Variants in ZNF831 observed in about 807,000 individuals in gnomAD.
ZNF831 encodes zinc finger protein 831.
ZNF831 carries 59 observed loss-of-function variants against 95.8 expected under a neutral mutation model. The ratio of observed to expected loss-of-function variants is 0.62; its 90% CI spans 0.50 to 0.77. ZNF831 has a LOEUF of 0.77. Among genes scored for constraint, ZNF831 ranks in the 30% least tolerant of loss-of-function variants. The probability of loss-of-function intolerance (pLI) is 0.00; values close to 1 mark genes in which losing one functional copy is unlikely to be tolerated. For synonymous variants in ZNF831, 961 were observed against 925.5 expected (o/e 1.04, Z -0.70); for missense variants, 2,205 against 2,164.0 (o/e 1.02, Z -0.38).
rs576013498 is a variant in ZNF831, at chr20:59,203,620, C to T, written c.3876-3285C>T. ...AAATCAAGCAGACCCCTGCATTAAT[C>T]CACTTTTGCCCACTTACATGTTAAA... On this transcript the variant is annotated intron_variant, in intron 3 of 5. Coordinates refer to ENST00000371030, the MANE Select transcript of ZNF831 (RefSeq NM_178457.3). Among the ~76,000 whole-genome samples, 22 of 152,364 alleles carry T rather than the reference C, an allele frequency of 1.4e-4. No individual in the cohort carries two copies. The East Asian group carries it at 4.0e-3, about 28-fold the overall frequency.
At chr20:59,224,271 G>C (rs1402413955) in intron 4 of ZNF831, among the ~76,000 whole-genome samples, 2 of 152,160 alleles carry the variant, frequency 1.3e-5, no homozygotes, top group Non-Finnish European at 2.9e-5. Context: ...CGCCGCCTGG[G>C]TGCTTTGAGG....
intron 1 of ZNF831, among the ~76,000 whole-genome samples, chr20:59,134,963 A>G (rs960609545): frequency 2.0e-5 from 3 of 152,118 alleles, no homozygotes; most frequent in Admixed American, 6.5e-5. Context: ...TTCCCCTCCA[A>G]GATGGAAAAA....
At chr20:59,229,776 G>T (rs1259946429) in intron 4 of ZNF831, among the ~76,000 whole-genome samples, 2 of 152,116 alleles carry the variant, frequency 1.3e-5, no homozygotes, top group Non-Finnish European at 2.9e-5. Context: ...CAGCAGCAGG[G>T]TGAGGCACCA....
chr20:59,185,455 C>T (rs1421862062), intron 1 of ZNF831, among the ~76,000 whole-genome samples: 2 of 152,298 alleles, frequency 1.3e-5, no homozygotes, highest in East Asian at 3.9e-4. Flanking sequence ...TCCTTTTCCT[C>T]CTCCCCCTAC....
At chr20:59,240,756 G>A (rs568961941) in intron 4 of ZNF831, among the ~76,000 whole-genome samples, 3 of 151,940 alleles carry the variant, frequency 2.0e-5, no homozygotes, top group African/African-American at 7.3e-5. Context: ...GAGCCAAGAT[G>A]GCGCCACTGC....
At chr20:59,253,865 C>A in intron 5 of ZNF831, 33 bp from the exon 6 acceptor site, 2 of 1,131,752 alleles carry the variant, frequency 1.8e-6, no homozygotes, top group Non-Finnish European at 2.4e-6. Context: ...AACCTCCCCC[C>A]CCACTTTTTT....
chr20:59,159,953 T>G (rs1980759916), upstream of ZNF831: 1 of 152,424 alleles, frequency 6.6e-6, no homozygotes. Context: ...CGCAGTTCTC[T>G]GTCATTCAGC....
At chr20:59,177,649 A>C (rs1320007252) in intron 1 of ZNF831, among the ~76,000 whole-genome samples, 1 of 152,134 alleles carries the variant, frequency 6.6e-6, no homozygotes, top group African/African-American at 2.4e-5. Flanking sequence ...GGCCCATCTC[A>C]TTTAAAATTG....
rs142347840 is a variant in ZNF831, at chr20:59,196,677, T to G, written c.3875+672T>G. 3.7e-3 allele frequency among the ~76,000 whole-genome samples: 569 copies of G among 152,302 alleles called. 7 individuals carry two copies. Among genetic ancestry groups the G allele is most frequent in the African/African-American group, 0.013 (542 of 41,570 alleles). Reference sequence around the variant, plus strand: ...CTCCTCTCCTGCTCGCCCTCCACCCTCATCCCATTCTCTAATCCACATTCT... The same window carrying G: ...CTCCTCTCCTGCTCGCCCTCCACCCGCATCCCATTCTCTAATCCACATTCT... On this transcript the variant is annotated intron_variant, in intron 3 of 5. Coordinates refer to ENST00000371030, the MANE Select transcript of ZNF831 (RefSeq NM_178457.3).
In ZNF831 at chr20:59,131,113, A is replaced by G. The variant is rs138083280; in HGVS notation, c.-1425+7608A>G. On this transcript the variant is annotated intron_variant, in intron 1 of 7. Coordinates refer to the ZNF831 transcript ENST00000637017. ...TGTGGGCAAGGTTGAAGGAAATGCT[A>G]GACTCCCAGCATTAACCTTCCAGCA... 2.7e-3 allele frequency among the ~76,000 whole-genome samples: 415 copies of G among 152,284 alleles called. 3 individuals are homozygous for G. Among genetic ancestry groups the G allele is most frequent in the African/African-American group, 9.3e-3 (388 of 41,554 alleles).
At chr20:59,179,032 T>A (rs1485452537) in intron 1 of ZNF831, among the ~76,000 whole-genome samples, 1 of 151,918 alleles carries the variant, frequency 6.6e-6, no homozygotes, top group Non-Finnish European at 1.5e-5. Context: ...GGGCGGGGGG[T>A]CCACCCTGGA....
chr20:59,236,342 GA>G (rs1986997276), intron 4 of ZNF831, among the ~76,000 whole-genome samples: 2 of 152,180 alleles, frequency 1.3e-5, no homozygotes, highest in Non-Finnish European at 2.9e-5. Flanking sequence ...GAGGACAAAT[GA>G]ATATAGAAGG....
Position 59,195,882 on chromosome 20 carries a change from CA to C in ZNF831, c.3753del (p.Val1252SerfsTer4). 2 of 1,613,148 alleles carry C rather than the reference CA, an allele frequency of 1.2e-6. No homozygotes were observed. The highest frequency in any genetic ancestry group is 1.7e-6 in the Non-Finnish European group (2 of 1,179,694). On this transcript the variant is annotated frameshift_variant, in exon 3 of 6. Transcript: ENST00000371030. LOFTEE classifies it high-confidence loss of function. The stretch of plus-strand genomic sequence containing the variant: ...TGGTGTTTTCAGTTCTCCTACCCAA[CA>C]GTCCCAGGGGTGATGCCCCAGCACC... The part of the protein sequence containing the change: ...PAQMSKFSYP[T>X]VPGVMPQHQV...
intron 1 of ZNF831, among the ~76,000 whole-genome samples, chr20:59,125,651 G>C (rs1979149754): frequency 1.3e-5 from 2 of 152,212 alleles, no homozygotes; most frequent in African/African-American, 4.8e-5. Flanking sequence ...TGAAATCTCA[G>C]CTGTGTCAAG....
rs1983784063 is a variant in ZNF831 at position 59,193,379 on chromosome 20, G to A, written c.2360G>A (p.Gly787Glu). The change falls in exon 2 of 6, where the codon GGA becomes GAA. Residue 787 changes from glycine to glutamate, a missense_variant. Gly to Glu is a moderately conservative substitution (Grantham distance 98). Coordinates refer to ENST00000371030, the MANE Select transcript of ZNF831 (RefSeq NM_178457.3). ...GTTTGGCCGGACCCCAAGCTGGAAG[G>A]AGGTGCCCGAGGTGTGGGGGATGTT... is the stretch of plus-strand genomic sequence containing the variant. ...RPVWPDPKLE[G>E]GARGVGDVQE... 18 of 1,604,974 alleles carry A rather than the reference G, an allele frequency of 1.1e-5. No individual in the cohort carries two copies. The highest frequency in any genetic ancestry group is 1.7e-5 in the Admixed American group (1 of 59,166).
rs377250458 is a variant in ZNF831 at position 59,191,017 on chromosome 20, G to C, written c.-3G>C. The stretch of plus-strand genomic sequence containing the variant: ...GCATTGTGGGCCATCCAGATGATGC[G>C]GAATGGAGGTTCCAGAACCCACCTG... On this transcript the variant is annotated 5_prime_UTR_variant, in exon 2 of 6. Coordinates refer to ENST00000371030, the MANE Select transcript of ZNF831 (RefSeq NM_178457.3). 9.5e-6 allele frequency: 14 copies of C among 1,476,978 alleles called. No homozygotes were observed. Among genetic ancestry groups the C allele is most frequent in the Non-Finnish European group, 1.2e-5 (14 of 1,122,252 alleles). 91.5% of individuals were successfully genotyped at this position (1,476,978 alleles called of 1,614,324 possible).
intron 2 of ZNF831, among the ~76,000 whole-genome samples, chr20:59,157,469 T>G (rs564855012): frequency 2.0e-5 from 3 of 152,214 alleles, no homozygotes; most frequent in Admixed American, 6.5e-5. Flanking sequence ...CCTGCCACCT[T>G]CCAAAAAGGA....
At position 59,208,479 on chromosome 20, in the gene ZNF831, T is replaced by A. The variant is rs114640597; in HGVS notation, c.4027+1423T>A. ...CTGTGCTCTCCAGGTGCCCTGTGGA[T>A]GCCCCTCGTCTCTCCTTAAGAGTTT... On this transcript the variant is annotated intron_variant, in intron 4 of 5. Transcript: ENST00000371030. The surrounding 1 kb of genome is among the most constrained non-coding windows in gnomAD (Gnocchi z 4.2). 4.4e-3 allele frequency among the ~76,000 whole-genome samples: 671 copies of A among 152,364 alleles called. 2 individuals are homozygous for A. Among genetic ancestry groups the A allele is most frequent in the African/African-American group, 0.013 (555 of 41,598 alleles).
rs1229250592 is a variant in ZNF831 at position 59,208,713 on chromosome 20, T to A, written c.4027+1657T>A. ...CTGTTCCCATGGACTCTTCCCTCAC[T>A]TTTGCCCCCATCAGCTCCAGTTCTT... is the stretch of plus-strand genomic sequence containing the variant. On this transcript the variant is annotated intron_variant, in intron 4 of 5. Coordinates refer to ENST00000371030, the MANE Select transcript of ZNF831 (RefSeq NM_178457.3). The surrounding 1 kb of genome is among the most constrained non-coding windows in gnomAD (Gnocchi z 4.2). Among the ~76,000 whole-genome samples, 6 of 152,140 alleles carry A rather than the reference T, an allele frequency of 3.9e-5. No individual in the cohort carries two copies.
Sources: gnomAD v4.1 joint callset for allele counts (sites outside exome capture counted in the v4.1 genomes callset) on GRCh38, gnomAD v4.1.1 for gene constraint, Gnocchi (gnomAD v3.1) non-coding constraint, MANE v1.5 for transcripts, NCBI Gene and HGNC (gene_info 2026-07-23, HGNC 2026-07-21) for gene names.